The following CCSER1 variants were observed in gnomAD, a reference collection of about 807,000 sequenced individuals.
The protein encoded by CCSER1 is serine-rich coiled-coil domain-containing protein 1.
In CCSER1, 41 loss-of-function variants were observed where a neutral mutation model predicts 82.0. The ratio of observed to expected loss-of-function variants is 0.50; its 90% CI spans 0.39 to 0.65. The LOEUF (loss-of-function observed/expected upper bound fraction) is 0.65, where lower values mean the gene tolerates loss of function less well. CCSER1 is among the 30% of genes least tolerant of loss of function. The pLI, the probability that CCSER1 is intolerant of heterozygous loss-of-function variation, is 0.00. For missense variants in CCSER1, 1,119 were observed against 1,064.2 expected, an observed-to-expected ratio of 1.05 and a Z score of -0.72; for synonymous variants, 414 against 383.9, an observed-to-expected ratio of 1.08 and a Z score of -0.92.
At chr4:91,232,591 A>T (rs1738705403) in intron 10 of CCSER1, among the ~76,000 whole-genome samples, 1 of 151,838 alleles carries the variant, frequency 6.6e-6, no homozygotes, top group Non-Finnish European at 1.5e-5. Context: ...AATAGGAAAG[A>T]AACATATTTT....
intron 10 of CCSER1, among the ~76,000 whole-genome samples, chr4:91,307,241 A>T (rs910911169): frequency 6.6e-6 from 1 of 151,826 alleles, no homozygotes; most frequent in Non-Finnish European, 1.5e-5. Flanking sequence ...GTAATTTTTC[A>T]TGAAGAAAAG....
At chr4:91,085,791 CAT>C (rs1444155946) in intron 9 of CCSER1, among the ~76,000 whole-genome samples, 157 bp from the exon 10 acceptor site, 2 of 152,094 alleles carry the variant, frequency 1.3e-5, no homozygotes, top group African/African-American at 4.8e-5. Flanking sequence ...GCTACACACA[CAT>C]AGACACATAC....
intron 10 of CCSER1, among the ~76,000 whole-genome samples, chr4:91,227,913 GAAAA>G: frequency 6.6e-6 from 1 of 152,040 alleles, no homozygotes; most frequent in Non-Finnish European, 1.5e-5. Context: ...TGTAAGTGAA[GAAAA>G]AGAAATAAAA....
intron 10 of CCSER1, among the ~76,000 whole-genome samples, chr4:91,488,910 T>C (rs967407609): frequency 6.6e-6 from 1 of 152,116 alleles, no homozygotes; most frequent in African/African-American, 2.4e-5. Flanking sequence ...GTAGAAAAAC[T>C]AAACAAACAT....
intron 6 of CCSER1, among the ~76,000 whole-genome samples, chr4:90,634,352 C>T (rs912688450): frequency 3.3e-5 from 5 of 151,674 alleles, no homozygotes; most frequent in Non-Finnish European, 7.4e-5. Flanking sequence ...TTTCTTTTCT[C>T]TACTACCTAA....
At chr4:91,058,486 C>T (rs1284479063) in intron 9 of CCSER1, among the ~76,000 whole-genome samples, 1 of 152,068 alleles carries the variant, frequency 6.6e-6, no homozygotes, top group Non-Finnish European at 1.5e-5. Flanking sequence ...GCAAGTATCT[C>T]TTATTTCTAA....
At chr4:90,830,663 T>C (rs2149820063) in intron 8 of CCSER1, among the ~76,000 whole-genome samples, 1 of 152,240 alleles carries the variant, frequency 6.6e-6, no homozygotes, top group African/African-American at 2.4e-5. Context: ...CCCTACTCTA[T>C]TTTGCAGTTT....
chr4:90,328,591 TAAGTC>T (rs924139884), intron 3 of CCSER1, among the ~76,000 whole-genome samples: 2 of 152,152 alleles, frequency 1.3e-5, no homozygotes, highest in African/African-American at 2.4e-5. Flanking sequence ...GAAAGCAGCT[TAAGTC>T]AAGCAAAAGG....
At chr4:90,758,425 A>G (rs951693108) in intron 7 of CCSER1, among the ~76,000 whole-genome samples, 5 of 152,164 alleles carry the variant, frequency 3.3e-5, no homozygotes, top group African/African-American at 1.2e-4. Flanking sequence ...GGAAAAATAA[A>G]ATGTTTATGA....
intron 2 of CCSER1, 130 bp from the exon 3 acceptor site, chr4:90,312,733 A>C: frequency 4.2e-6 from 3 of 714,922 alleles, no homozygotes; most frequent in Non-Finnish European, 7.0e-6. Flanking sequence ...GATGCTATAC[A>C]TTTAAAAGTT....
Position 90,526,649 on chromosome 4 carries a change from G to A in CCSER1, c.1724+58295G>A, listed in dbSNP as rs547931614. On this transcript the variant is annotated intron_variant, in intron 5 of 10. Transcript: ENST00000509176. ...TGGTTTTCGGTTCCTGTGTTAGTTC[G>A]CTGAGAATGATGGTTTCCAATTTCA... 5.3e-5 allele frequency among the ~76,000 whole-genome samples: 8 copies of A among 152,182 alleles called. No homozygotes were observed. In the East Asian group the frequency reaches 5.8e-4, roughly 11 times the overall value.
chr4:90,403,109 G>A (rs552323413), intron 4 of CCSER1, among the ~76,000 whole-genome samples: 2 of 152,182 alleles, frequency 1.3e-5, no homozygotes, highest in East Asian at 3.9e-4. Context: ...TTTTTAAAAA[G>A]CAGCAAACAC....
chr4:91,133,031 G>T (rs1188150782), intron 10 of CCSER1, among the ~76,000 whole-genome samples: 1 of 152,162 alleles, frequency 6.6e-6, no homozygotes, highest in Non-Finnish European at 1.5e-5. Flanking sequence ...CATTAGCATA[G>T]GGAAGCTAAA....
rs1737974456 is a variant in CCSER1, at chr4:90,700,948, A to G, written c.1933-22966A>G. Among the ~76,000 whole-genome samples the G allele has an allele frequency of 2.0e-5, 3 of 152,046 alleles. No homozygotes were observed. In the South Asian group the frequency reaches 6.2e-4, roughly 32 times the overall value. ...TTCTGTAGGTTGCCTGTTCACTCTG[A>G]TGGTAGTTTCTTTTGCTGTGCAGAA... On this transcript the variant is annotated intron_variant, in intron 6 of 10. Coordinates refer to ENST00000509176, the MANE Select transcript of CCSER1 (RefSeq NM_001145065.2).
At chr4:90,804,762 T>C (rs1409826290) in intron 7 of CCSER1, among the ~76,000 whole-genome samples, 8 of 152,212 alleles carry the variant, frequency 5.3e-5, no homozygotes, top group Non-Finnish European at 1.0e-4. Flanking sequence ...TGTATAAGAC[T>C]GGAGTCAGGA....
intron 10 of CCSER1, among the ~76,000 whole-genome samples, chr4:91,550,809 TC>T (rs1260392870): frequency 2.6e-5 from 4 of 152,306 alleles, no homozygotes; most frequent in African/African-American, 9.6e-5. Flanking sequence ...AATATTGTTT[TC>T]AGTAATAAAT....
At chr4:90,374,270 G>T (rs1486100696) in intron 3 of CCSER1, among the ~76,000 whole-genome samples, 1 of 152,204 alleles carries the variant, frequency 6.6e-6, no homozygotes, top group East Asian at 1.9e-4. Context: ...GGTCAACCAA[G>T]CAATAAATTA....
At chr4:91,274,182 A>C (rs551266096) in intron 10 of CCSER1, among the ~76,000 whole-genome samples, 1 of 152,006 alleles carries the variant, frequency 6.6e-6, no homozygotes, top group African/African-American at 2.4e-5. Context: ...TGACTTTTTA[A>C]TTTTTTTTAT....
intron 8 of CCSER1, among the ~76,000 whole-genome samples, chr4:90,851,868 A>G (rs1049362680): frequency 6.6e-6 from 1 of 152,074 alleles, no homozygotes; most frequent in Non-Finnish European, 1.5e-5. Flanking sequence ...GTGCGTTAAT[A>G]TTACTCCTCA....
Sources: gnomAD v4.1 joint callset for allele counts (sites outside exome capture counted in the v4.1 genomes callset) on GRCh38, gnomAD v4.1.1 for gene constraint, MANE v1.5 for transcripts, NCBI Gene and HGNC (gene_info 2026-07-23, HGNC 2026-07-21) for gene names.